RIN2: variants seen among roughly 807,000 people sequenced by gnomAD.
RIN2 encodes Ras and Rab interactor 2.
A neutral mutation model predicts 78.0 loss-of-function variants in RIN2; 36 were observed. That is an observed-to-expected ratio of 0.46 (90% confidence interval 0.35 to 0.61). The LOEUF is 0.61. RIN2 is among the 20% of genes least tolerant of loss of function. RIN2 has a pLI of 0.00. For missense variants in RIN2, 1,087 were observed against 1,159.7 expected, an observed-to-expected ratio of 0.94 and a Z score of 0.91; for synonymous variants, 466 against 466.8, an observed-to-expected ratio of 1.00 and a Z score of 0.02.
At chr20:19,801,469 C>T (rs148142930) in intron 2 of RIN2, among the ~76,000 whole-genome samples, 5,602 of 152,044 alleles carry the variant, frequency 0.037, 359 homozygotes, top group African/African-American at 0.13. Context: ...TACAGGCCCC[C>T]ACCACCACGC....
chr20:19,869,792 T>TTATATTTA, intron 2 of RIN2, among the ~76,000 whole-genome samples: 1 of 136,444 alleles, frequency 7.3e-6, no homozygotes, highest in South Asian at 2.5e-4. Context: ...GCCTGGCTAA[T>TTATATTTA]TTTATTTATT....
intron 3 of RIN2, among the ~76,000 whole-genome samples, chr20:19,918,951 T>G (rs1226438366): frequency 6.6e-6 from 1 of 152,212 alleles, no homozygotes; most frequent in African/African-American, 2.4e-5. Flanking sequence ...AGAACAAGGT[T>G]GATATTCACG....
chr20:19,920,823 G>A (rs1328430808), intron 3 of RIN2, among the ~76,000 whole-genome samples: 1 of 152,052 alleles, frequency 6.6e-6, no homozygotes, highest in African/African-American at 2.4e-5. Flanking sequence ...CTACAGGTGT[G>A]CACCATGTCC....
intron 2 of RIN2, among the ~76,000 whole-genome samples, chr20:19,878,159 G>T (rs562013748): frequency 6.6e-6 from 1 of 152,272 alleles, no homozygotes; most frequent in East Asian, 1.9e-4. Context: ...GGAAGGAGAA[G>T]TTTTTGGAGC....
intron 2 of RIN2, among the ~76,000 whole-genome samples, chr20:19,847,291 C>G (rs1196105844): frequency 6.6e-6 from 1 of 152,202 alleles, no homozygotes; most frequent in Non-Finnish European, 1.5e-5. Flanking sequence ...CTCATCAGCT[C>G]ACTCTACCCT....
At chr20:19,823,795 A>G (rs926714297) in intron 2 of RIN2, 4 of 1,601,064 alleles carry the variant, frequency 2.5e-6, no homozygotes, top group Non-Finnish European at 3.4e-6. Context: ...CCAGTCACCC[A>G]TTGCCTTGGC....
At chr20:19,825,974 C>T (rs1482949522) in intron 2 of RIN2, among the ~76,000 whole-genome samples, 5 of 152,218 alleles carry the variant, frequency 3.3e-5, no homozygotes, top group African/African-American at 7.2e-5. Flanking sequence ...AGCTGGAACT[C>T]AGATTAGCAT....
At chr20:19,903,837 G>A (rs979149270) in intron 3 of RIN2, among the ~76,000 whole-genome samples, 1 of 152,200 alleles carries the variant, frequency 6.6e-6, no homozygotes, top group Admixed American at 6.5e-5. Flanking sequence ...AGAAGACTGT[G>A]ATCATGTATT....
intron 1 of RIN2, among the ~76,000 whole-genome samples, chr20:19,781,322 G>A (rs1184225717): frequency 3.3e-5 from 5 of 152,120 alleles, no homozygotes; most frequent in East Asian, 1.9e-4. Context: ...TGTAGAATTC[G>A]CTTATTATTG....
chr20:19,953,128 C>A (rs564630771), intron 4 of RIN2, among the ~76,000 whole-genome samples: 49 of 149,464 alleles, frequency 3.3e-4, no homozygotes, highest in African/African-American at 1.2e-3. Flanking sequence ...ACGTTGGGAT[C>A]CCCTGGGGAA....
chr20:19,883,027 G>A (rs764133545), intron 2 of RIN2, among the ~76,000 whole-genome samples: 1 of 152,134 alleles, frequency 6.6e-6, no homozygotes, highest in Non-Finnish European at 1.5e-5. Context: ...ATTTTTGACG[G>A]CTCAGAACCC....
At chr20:19,944,776 C>T (rs2041019940) in intron 4 of RIN2, among the ~76,000 whole-genome samples, 2 of 151,626 alleles carry the variant, frequency 1.3e-5, no homozygotes, top group Non-Finnish European at 2.9e-5. Context: ...AGATGGAGAA[C>T]TCTCCTGCTT....
At chr20:19,855,194 C>A (rs566028458) in intron 2 of RIN2, among the ~76,000 whole-genome samples, 7 of 151,936 alleles carry the variant, frequency 4.6e-5, no homozygotes, top group African/African-American at 1.7e-4. Flanking sequence ...TATTGATTTG[C>A]GTATGTTGAA....
chr20:19,924,227 TC>T (rs1419562205), intron 3 of RIN2, among the ~76,000 whole-genome samples: 8 of 19,406 alleles, frequency 4.1e-4, no homozygotes, highest in East Asian at 3.0e-3. Context: ...ACCCCCACCT[TC>T]CATACCCCAC....
At chr20:19,939,933 A>C (rs2040798328) in intron 4 of RIN2, among the ~76,000 whole-genome samples, 1 of 151,270 alleles carries the variant, frequency 6.6e-6, no homozygotes, top group South Asian at 2.1e-4. Context: ...GGCTCACTGC[A>C]ACCTCCACCT....
At chr20:19,835,085 G>GAA (rs769189938) in intron 2 of RIN2, among the ~76,000 whole-genome samples, 3 of 134,158 alleles carry the variant, frequency 2.2e-5, no homozygotes, top group African/African-American at 2.7e-5. Flanking sequence ...GAGAAAGAAA[G>GAA]AGAAAAAGAA....
At chr20:19,793,822 A>G (rs199732510) in intron 1 of RIN2, among the ~76,000 whole-genome samples, 2 of 152,186 alleles carry the variant, frequency 1.3e-5, no homozygotes, top group East Asian at 3.9e-4. Flanking sequence ...AGAAGCCTAG[A>G]TTTGGGTTCC....
intron 2 of RIN2, among the ~76,000 whole-genome samples, chr20:19,853,045 A>C (rs1600623829): frequency 2.5e-4 from 20 of 81,458 alleles, no homozygotes; most frequent in East Asian, 1.7e-3. Context: ...CCCCCACCCC[A>C]TGACAGGCCC....
intron 1 of RIN2, among the ~76,000 whole-genome samples, chr20:19,783,719 A>G (rs2034583183): frequency 6.6e-6 from 1 of 152,172 alleles, no homozygotes; most frequent in African/African-American, 2.4e-5. Flanking sequence ...AATTTACCCC[A>G]TGGACAGCTA....
Sources: gnomAD v4.1 joint callset for allele counts (sites outside exome capture counted in the v4.1 genomes callset) on GRCh38, gnomAD v4.1.1 for gene constraint, MANE v1.5 for transcripts, NCBI Gene and HGNC (gene_info 2026-07-23, HGNC 2026-07-21) for gene names.